Variants in TSGA10 observed in about 807,000 individuals in gnomAD.
TSGA10 encodes the protein testis specific 10, also known as testis-specific gene 10 protein.
A neutral mutation model predicts 96.6 loss-of-function variants in TSGA10; 43 were observed. That is an observed-to-expected ratio of 0.44 (90% CI 0.35 to 0.57). The LOEUF is 0.57. Among genes scored for constraint, TSGA10 ranks in the 20% least tolerant of loss-of-function variants. TSGA10 has a pLI of 0.01. For missense variants in TSGA10, 703 were observed against 834.4 expected (o/e 0.84, Z 1.94); for synonymous variants, 229 against 269.9 (o/e 0.85, Z 1.48).
At chr2:99,095,481 ATG>A (rs1263670047) in intron 10 of TSGA10, among the ~76,000 whole-genome samples, 1 of 152,168 alleles carries the variant, frequency 6.6e-6, no homozygotes, top group Non-Finnish European at 1.5e-5. Context: ...TTAAGTGATA[ATG>A]ATTCTTTAAA....
At chr2:99,038,446 A>G (rs575762404) in intron 16 of TSGA10, among the ~76,000 whole-genome samples, 4 of 152,314 alleles carry the variant, frequency 2.6e-5, no homozygotes, top group African/African-American at 9.6e-5. Flanking sequence ...AAACTTAAGT[A>G]AAGGGGTGGA....
intron 1 of TSGA10, among the ~76,000 whole-genome samples, chr2:99,133,761 T>C (rs1002705695): frequency 1.3e-5 from 2 of 152,230 alleles, no homozygotes; most frequent in African/African-American, 4.8e-5. Context: ...CTTCAGGAGC[T>C]CTTGTAAGCC....
intron 16 of TSGA10, among the ~76,000 whole-genome samples, chr2:99,062,968 T>A (rs947823834): frequency 1.8e-4 from 28 of 152,158 alleles, no homozygotes; most frequent in Admixed American, 9.2e-4. Context: ...CCAAGTACAG[T>A]CCAGATAATT....
chr2:99,112,085 T>C (rs13007308), intron 4 of TSGA10, among the ~76,000 whole-genome samples: 29,791 of 152,116 alleles, frequency 0.2, 3,685 homozygotes, highest in East Asian at 0.4. Context: ...TTTAAAAAAA[T>C]GTTGATTCCA....
intron 9 of TSGA10, among the ~76,000 whole-genome samples, chr2:99,104,802 A>T (rs2104808125): frequency 6.6e-6 from 1 of 152,330 alleles, no homozygotes; most frequent in East Asian, 1.9e-4. Flanking sequence ...ACTCATTACA[A>T]TAAAACAGTA....
intron 20 of TSGA10, among the ~76,000 whole-genome samples, chr2:99,014,142 G>A (rs1450520147): frequency 4.6e-5 from 7 of 150,658 alleles, no homozygotes; most frequent in African/African-American, 1.2e-4. Flanking sequence ...GCAACAGAGC[G>A]AGACTCTGTC....
chr2:99,051,351 G>A (rs918384494), intron 16 of TSGA10, among the ~76,000 whole-genome samples: 1 of 152,082 alleles, frequency 6.6e-6, no homozygotes, highest in Non-Finnish European at 1.5e-5. Context: ...GATAATATCA[G>A]AGAAAACAGA....
At chr2:99,032,195 T>C (rs192511062) in intron 17 of TSGA10, among the ~76,000 whole-genome samples, 38 of 152,272 alleles carry the variant, frequency 2.5e-4, no homozygotes, top group African/African-American at 8.9e-4. Context: ...CATCCGTGTC[T>C]CTTTCCTGCA....
In TSGA10 at chr2:99,081,332, T is replaced by C. The variant is rs377151625; in HGVS notation, c.677A>G (p.Tyr226Cys). Residue 226 changes from tyrosine (Y) to cysteine (C), a missense_variant, in exon 11 of 21, where the codon TAT (tyrosine) becomes TGT (cysteine). Physicochemically the swap from Tyr to Cys is radical, Grantham distance 194. Transcript: ENST00000393483. ...DTQRHLAKKK[Y>C]ELQLTQEKIM... The stretch of plus-strand genomic sequence containing the variant: ...TTTCTCCTGAGTAAGCTGTAGCTCA[T>C]ATTTTTTCTTAGCAAGGTGTCGCTG... 9.4e-6 allele frequency: 15 copies of C among 1,598,684 alleles called. No homozygotes were observed. In the African/African-American group the frequency reaches 1.6e-4, roughly 17 times the overall value.
intron 20 of TSGA10, among the ~76,000 whole-genome samples, chr2:99,006,621 C>T (rs1255858855): frequency 2.0e-5 from 3 of 152,096 alleles, no homozygotes; most frequent in South Asian, 2.1e-4. Context: ...GTTATAATGG[C>T]GATCATTAAA....
At chr2:99,025,659 T>C (rs1323545774) in intron 17 of TSGA10, among the ~76,000 whole-genome samples, 1 of 152,188 alleles carries the variant, frequency 6.6e-6, no homozygotes, top group Non-Finnish European at 1.5e-5. Flanking sequence ...CTTTTTCCAG[T>C]GTTCTAAGTG....
chr2:99,073,095 T>C, intron 12 of TSGA10, 22 bp from the exon 13 acceptor site: 1 of 1,463,786 alleles, frequency 6.8e-7, no homozygotes, highest in Non-Finnish European at 9.4e-7. Flanking sequence ...ATATAAGTAT[T>C]AAATAAAAAA....
rs200309936 is a variant in TSGA10 at position 99,085,609 on chromosome 2, T to TAAAAAAAAA, written c.612-4221_612-4213dup. ...GGGCAACAGAGGGCAATCCTGTCTT[T>TAAAAAAAAA]AAAAAAAAAAAAAAAAAAAAAAAAA... On this transcript the variant is annotated intron_variant, in intron 10 of 20. Transcript: ENST00000393483. 9.3e-4 allele frequency among the ~76,000 whole-genome samples: 49 copies of TAAAAAAAAA among 52,466 alleles called. 5 individuals carry two copies. The highest frequency in any genetic ancestry group is 5.3e-3 in the African/African-American group (45 of 8,464). The allele number at this position is 52,466 out of a possible 152,430, so 34.4% of individuals were successfully genotyped here. A position where few individuals can be genotyped will look rare whatever the true frequency, so the allele number is the denominator to read the frequency against.
chr2:99,068,676 T>C (rs1243748903), intron 15 of TSGA10, among the ~76,000 whole-genome samples: 1 of 152,162 alleles, frequency 6.6e-6, no homozygotes, highest in Non-Finnish European at 1.5e-5. Context: ...TCTGCTTGTC[T>C]AGAGTGGCAG....
At chr2:99,141,849 C>G (rs2093566521) in intron 1 of TSGA10, 1 of 152,460 alleles carries the variant, frequency 6.6e-6, no homozygotes, top group Admixed American at 6.5e-5. Flanking sequence ...TCGGGCGCAG[C>G]TCCTGCTGCA....
chr2:99,100,691 G>A (rs1235596510), intron 10 of TSGA10, among the ~76,000 whole-genome samples: 1 of 150,784 alleles, frequency 6.6e-6, no homozygotes, highest in East Asian at 2.0e-4. Context: ...GCGGTGGCGG[G>A]CGCCTGTAGT....
chr2:99,088,851 C>T (rs1186625389), intron 10 of TSGA10, among the ~76,000 whole-genome samples: 1 of 152,150 alleles, frequency 6.6e-6, no homozygotes, highest in Non-Finnish European at 1.5e-5. Flanking sequence ...TACTACTTCA[C>T]AATTTTAAAA....
chr2:99,042,039 CATTTTT>C (rs1189408411), intron 16 of TSGA10, among the ~76,000 whole-genome samples: 1 of 140,108 alleles, frequency 7.1e-6, no homozygotes, highest in Non-Finnish European at 1.5e-5. Flanking sequence ...TGCCCCCCCA[CATTTTT>C]TTTTTTTTTT....
intron 16 of TSGA10, among the ~76,000 whole-genome samples, chr2:99,064,655 A>G (rs906075211): frequency 3.3e-5 from 5 of 152,206 alleles, no homozygotes; most frequent in Admixed American, 2.6e-4. Flanking sequence ...GTATCCTTAC[A>G]TGTGGGAGCT....
Sources: gnomAD v4.1 joint callset for allele counts (sites outside exome capture counted in the v4.1 genomes callset) on GRCh38, gnomAD v4.1.1 for gene constraint, MANE v1.5 for transcripts, NCBI Gene and HGNC (gene_info 2026-07-23, HGNC 2026-07-21) for gene names.